Variants in DCC observed in about 807,000 individuals in gnomAD.
DCC encodes the protein DCC netrin 1 receptor.
A neutral mutation model predicts 172.5 loss-of-function variants in DCC; 58 were observed. The observed-to-expected ratio is 0.34, with a 90% confidence interval of 0.27 to 0.42. The LOEUF (loss-of-function observed/expected upper bound fraction) is 0.42, where lower values mean the gene tolerates loss of function less well. Ranked by LOEUF, DCC falls within the 10% of genes least tolerant of loss-of-function variation. The pLI is 1.00. For synonymous variants in DCC, 709 were observed against 644.5 expected, an observed-to-expected ratio of 1.10 and a Z score of -1.52; for missense variants, 1,740 against 1,791.0, an observed-to-expected ratio of 0.97 and a Z score of 0.51.
At chr18:52,972,045 AC>A (rs2041038523) in intron 5 of DCC, among the ~76,000 whole-genome samples, 1 of 152,164 alleles carries the variant, frequency 6.6e-6, no homozygotes, top group African/African-American at 2.4e-5. Flanking sequence ...TTAATATGTA[AC>A]CTCTCTCAAA....
At chr18:52,513,576 T>A (rs894731834) in intron 1 of DCC, among the ~76,000 whole-genome samples, 5 of 152,214 alleles carry the variant, frequency 3.3e-5, no homozygotes, top group Non-Finnish European at 7.3e-5. Context: ...TAAAATAATA[T>A]ATGTTATGTA....
chr18:52,348,031 C>T (rs994269935), intron 1 of DCC, among the ~76,000 whole-genome samples: 3 of 152,058 alleles, frequency 2.0e-5, no homozygotes, highest in African/African-American at 7.2e-5. Flanking sequence ...ATGTATACAT[C>T]TTTAACATGT....
chr18:52,396,128 CTG>C (rs1278949987), intron 1 of DCC, among the ~76,000 whole-genome samples: 1 of 151,866 alleles, frequency 6.6e-6, no homozygotes, highest in East Asian at 1.9e-4. Context: ...TCCAGGCAAA[CTG>C]TAAATCTTTC....
intron 5 of DCC, among the ~76,000 whole-genome samples, chr18:53,061,955 G>C (rs1003856222): frequency 1.3e-5 from 2 of 151,984 alleles, no homozygotes; most frequent in African/African-American, 4.8e-5. Context: ...GAATGGAACT[G>C]TTTCCATATA....
At chr18:52,973,667 A>G (rs72928112) in intron 5 of DCC, among the ~76,000 whole-genome samples, 5,370 of 152,214 alleles carry the variant, frequency 0.035, 128 homozygotes, top group African/African-American at 0.054. Flanking sequence ...CTGCAGACTG[A>G]CTTGCTTCTT....
chr18:53,395,789 C>T (rs1305466775), intron 17 of DCC, among the ~76,000 whole-genome samples: 1 of 152,092 alleles, frequency 6.6e-6, no homozygotes, highest in African/African-American at 2.4e-5. Context: ...ACTACAGGTG[C>T]ATGCTACCAT....
chr18:53,424,533 C>T (rs761642030), intron 21 of DCC, among the ~76,000 whole-genome samples: 148 of 152,094 alleles, frequency 9.7e-4, no homozygotes, highest in Admixed American at 1.8e-3. Context: ...GTGTATGTTA[C>T]GGGATTTCAG....
chr18:53,529,595 T>C (rs2144632790), intron 28 of DCC, among the ~76,000 whole-genome samples: 1 of 152,322 alleles, frequency 6.6e-6, no homozygotes, highest in East Asian at 1.9e-4. Context: ...GTTATTCTCA[T>C]TTCACAAATA....
chr18:52,969,638 T>G (rs1056622637), intron 5 of DCC, among the ~76,000 whole-genome samples: 20 of 151,198 alleles, frequency 1.3e-4, no homozygotes, highest in African/African-American at 4.9e-4. Context: ...TGACTCTCTG[T>G]GTCTCTCTCT....
chr18:53,313,360 C>G (rs898919934), intron 13 of DCC, among the ~76,000 whole-genome samples: 9 of 152,102 alleles, frequency 5.9e-5, no homozygotes. Context: ...ATTCTCCCAC[C>G]TCAGCCTCCT....
chr18:53,003,515 T>A lies in DCC; in HGVS notation c.986-59790T>A, dbSNP rs138814888. ...TAATTTCTCAGTGGTGTTCATGGGT[T>A]TTAGATGTTATTAATCATGAAAGTT... On this transcript the variant is annotated intron_variant, in intron 5 of 28. Transcript: ENST00000442544. Among the ~76,000 whole-genome samples, 240 of 152,236 alleles carry A rather than the reference T, an allele frequency of 1.6e-3. 1 individual carries two copies. The highest frequency in any genetic ancestry group is 5.5e-3 in the African/African-American group (227 of 41,552).
chr18:53,161,880 T>C (rs147933810), intron 8 of DCC, among the ~76,000 whole-genome samples: 1 of 152,310 alleles, frequency 6.6e-6, no homozygotes, highest in African/African-American at 2.4e-5. Context: ...TAAAATAATA[T>C]TGGAAGGCTG....
chr18:52,865,818 A>C (rs2039218605), intron 2 of DCC, among the ~76,000 whole-genome samples: 1 of 152,044 alleles, frequency 6.6e-6, no homozygotes, highest in Non-Finnish European at 1.5e-5. Flanking sequence ...AACAGAGACA[A>C]CTTGGCTTCC....
intron 22 of DCC, among the ~76,000 whole-genome samples, 195 bp downstream of exon 22, chr18:53,435,404 C>G (rs1398315145): frequency 6.6e-6 from 1 of 152,030 alleles, no homozygotes; most frequent in East Asian, 1.9e-4. Flanking sequence ...CTAGCACATT[C>G]TGCCAGGAGA....
chr18:53,437,451 G>A (rs190690392), intron 22 of DCC, among the ~76,000 whole-genome samples: 377 of 151,832 alleles, frequency 2.5e-3, no homozygotes, highest in African/African-American at 8.5e-3. Flanking sequence ...GTGGTGGCAC[G>A]CACCTGTAGT....
At chr18:52,654,584 C>G (rs549856298) in intron 1 of DCC, among the ~76,000 whole-genome samples, 1 of 152,222 alleles carries the variant, frequency 6.6e-6, no homozygotes, top group Admixed American at 6.5e-5. Context: ...ATCTGTGTGT[C>G]CAAATTTTCT....
chr18:53,022,114 A>G (rs992640326), intron 5 of DCC, among the ~76,000 whole-genome samples: 22 of 152,244 alleles, frequency 1.4e-4, no homozygotes, highest in African/African-American at 5.1e-4. Context: ...TGCAAAATCT[A>G]TATTATAATG....
intron 5 of DCC, among the ~76,000 whole-genome samples, chr18:52,930,733 C>T (rs996096192): frequency 2.0e-5 from 3 of 152,124 alleles, no homozygotes; most frequent in South Asian, 2.1e-4. Context: ...TTTATTGAAA[C>T]ATTTATCCTT....
chr18:52,453,437 C>G (rs371861519), intron 1 of DCC, among the ~76,000 whole-genome samples: 3 of 152,172 alleles, frequency 2.0e-5, no homozygotes, highest in African/African-American at 7.2e-5. Context: ...GCCCCTGTAC[C>G]ATGCGATGGG....
Sources: allele counts gnomAD v4.1 joint callset (sites outside exome capture counted in the v4.1 genomes callset), GRCh38; gene constraint gnomAD v4.1.1; transcripts MANE v1.5; gene names NCBI Gene and HGNC (gene_info 2026-07-23, HGNC 2026-07-21).